Variants in MAN1C1 observed in about 807,000 individuals in gnomAD.
MAN1C1 encodes mannosyl-oligosaccharide 1,2-alpha-mannosidase IC.
Under a neutral mutation model 71.5 loss-of-function variants are expected in MAN1C1, and 49 were observed. The observed-to-expected ratio is 0.69, with a 90% CI of 0.54 to 0.87. The LOEUF (loss-of-function observed/expected upper bound fraction) is 0.87, where lower values mean the gene tolerates loss of function less well. MAN1C1 is among the 40% of genes least tolerant of loss of function. The pLI is 0.00. For synonymous variants in MAN1C1, 352 were observed against 343.7 expected, an observed-to-expected ratio of 1.02 and a Z score of -0.27; for missense variants, 743 against 835.0, an observed-to-expected ratio of 0.89 and a Z score of 1.36.
intron 1 of MAN1C1, among the ~76,000 whole-genome samples, chr1:25,656,771 T>A (rs2045773725): frequency 6.6e-6 from 1 of 151,184 alleles, no homozygotes; most frequent in South Asian, 2.1e-4. Context: ...ATTCAGGGAG[T>A]AGCCAAGGAG....
intron 1 of MAN1C1, among the ~76,000 whole-genome samples, chr1:25,650,113 C>A (rs2045670899): frequency 6.6e-6 from 1 of 152,214 alleles, no homozygotes; most frequent in Non-Finnish European, 1.5e-5. Context: ...ATTCTGTACA[C>A]TCCCATGTCC....
intron 1 of MAN1C1, among the ~76,000 whole-genome samples, chr1:25,625,152 C>T (rs962226901): frequency 3.3e-5 from 5 of 151,642 alleles, no homozygotes; most frequent in Non-Finnish European, 7.4e-5. Context: ...ATTACAGGCA[C>T]CTGCCACCAT....
chr1:25,770,893 G>A (rs1475343655), intron 7 of MAN1C1, among the ~76,000 whole-genome samples: 3 of 152,006 alleles, frequency 2.0e-5, no homozygotes, highest in Admixed American at 1.3e-4. Flanking sequence ...TCTATCAAAT[G>A]CCTTTACGTT....
intron 1 of MAN1C1, among the ~76,000 whole-genome samples, chr1:25,642,840 G>A (rs1032914614): frequency 2.0e-5 from 3 of 152,314 alleles, no homozygotes; most frequent in African/African-American, 4.8e-5. Flanking sequence ...AAGCAGTGAC[G>A]AGGATGGAGC....
intron 1 of MAN1C1, among the ~76,000 whole-genome samples, chr1:25,673,045 T>G (rs2046013600): frequency 2.7e-5 from 4 of 150,522 alleles, no homozygotes; most frequent in African/African-American, 7.4e-5. Flanking sequence ...CAGCCAGAGG[T>G]GAACGGGGAG....
intron 1 of MAN1C1, among the ~76,000 whole-genome samples, chr1:25,678,201 C>T (rs2046097305): frequency 6.6e-6 from 1 of 152,088 alleles, no homozygotes; most frequent in Non-Finnish European, 1.5e-5. Flanking sequence ...GCCTTTCCAC[C>T]TAATAATATA....
In MAN1C1 at chr1:25,753,487, T is replaced by G. The variant is rs377564466; in HGVS notation, c.838T>G (p.Phe280Val). Residue 280 changes from phenylalanine (F) to valine (V), a missense_variant, in exon 5 of 12, where the codon TTC becomes GTC. Transcript: ENST00000374332. This position sits in a 1 kb window ranked among gnomAD's most constrained non-coding sequence, Gnocchi z 4.9. ...SAFYLTGEEV[F>V]RIKAIRLGEK... Reference sequence around the variant, plus strand: ...CCTTTGATCCCCTCCTTTACAGGTGTTCCGAATAAAGGCCATCAGGCTGGG... The same window carrying G: ...CCTTTGATCCCCTCCTTTACAGGTGGTCCGAATAAAGGCCATCAGGCTGGG... 9.3e-6 allele frequency: 15 copies of G among 1,612,860 alleles called. No individual in the cohort carries two copies. The highest frequency in any genetic ancestry group is 1.3e-5 in the African/African-American group (1 of 74,888).
At chr1:25,626,516 G>A (rs1440874345) in intron 1 of MAN1C1, among the ~76,000 whole-genome samples, 5 of 151,824 alleles carry the variant, frequency 3.3e-5, no homozygotes, top group African/African-American at 4.8e-5. Context: ...CCGCCACCAC[G>A]CCTGGCTCAT....
In MAN1C1 at chr1:25,656,421, G is replaced by A. The variant is rs72873796; in HGVS notation, c.541-30019G>A. 5.3e-3 allele frequency among the ~76,000 whole-genome samples: 801 copies of A among 152,162 alleles called. 9 individuals carry two copies. The highest frequency in any genetic ancestry group is 0.018 in the African/African-American group (757 of 41,514). On this transcript the variant is annotated intron_variant, in intron 1 of 11. Coordinates refer to ENST00000374332, the MANE Select transcript of MAN1C1 (RefSeq NM_020379.4). ...CCTATAATGTACTTTTAAAGACGTC[G>A]TTTCATAATAAGGCTACGGAGACAT...
At chr1:25,734,373 C>T (rs986194031) in intron 2 of MAN1C1, among the ~76,000 whole-genome samples, 1 of 152,218 alleles carries the variant, frequency 6.6e-6, no homozygotes, top group Non-Finnish European at 1.5e-5. Context: ...AAATGATCCA[C>T]CCACCTCAGC....
intron 1 of MAN1C1, among the ~76,000 whole-genome samples, chr1:25,628,273 A>AT (rs1390312725): frequency 1.3e-5 from 2 of 151,796 alleles, no homozygotes; most frequent in African/African-American, 2.4e-5. Flanking sequence ...GATATTCTTT[A>AT]TTTTTATTTT....
intron 2 of MAN1C1, among the ~76,000 whole-genome samples, chr1:25,722,024 A>G (rs1421486739): frequency 6.6e-6 from 1 of 152,064 alleles, no homozygotes; most frequent in Non-Finnish European, 1.5e-5. Context: ...ACTCTATTCT[A>G]CTCTCACGCT....
At chr1:25,714,376 G>C (rs1266634812) in intron 2 of MAN1C1, among the ~76,000 whole-genome samples, 1 of 152,054 alleles carries the variant, frequency 6.6e-6, no homozygotes, top group Non-Finnish European at 1.5e-5. Flanking sequence ...TGATAATTAG[G>C]GAAAAGCTTT....
At chr1:25,748,724 G>A (rs1464685907) in intron 3 of MAN1C1, among the ~76,000 whole-genome samples, 3 of 152,322 alleles carry the variant, frequency 2.0e-5, no homozygotes, top group East Asian at 1.9e-4. Context: ...TGTGCGCTCC[G>A]AGCTGAGGGC....
At chr1:25,656,382 G>A (rs771390987) in intron 1 of MAN1C1, among the ~76,000 whole-genome samples, 31 of 152,208 alleles carry the variant, frequency 2.0e-4, no homozygotes, top group Non-Finnish European at 3.5e-4. Flanking sequence ...ACAGGCATCA[G>A]TCACTGCGCC....
At position 25,693,658 on chromosome 1, in the gene MAN1C1, G is replaced by A. The variant is rs1057241002; in HGVS notation, c.637+7122G>A. Among the ~76,000 whole-genome samples, 4 of 152,150 alleles carry A rather than the reference G, an allele frequency of 2.6e-5. No homozygotes were observed. In the East Asian group the frequency reaches 7.7e-4, roughly 29 times the overall value. On this transcript the variant is annotated intron_variant, in intron 2 of 11. Transcript: ENST00000374332. ...AAAAAAAGAGAAAATTTGCGATTAGGTGGACCCACGCATTACAAGTTCATG... is the reference window on the plus strand; with the variant it reads ...AAAAAAAGAGAAAATTTGCGATTAGATGGACCCACGCATTACAAGTTCATG...
chr1:25,729,742 C>T (rs1250723788), intron 2 of MAN1C1, among the ~76,000 whole-genome samples: 1 of 152,104 alleles, frequency 6.6e-6, no homozygotes, highest in Admixed American at 6.5e-5. Context: ...CATCTCTTGA[C>T]CTCATGATCT....
intron 1 of MAN1C1, among the ~76,000 whole-genome samples, chr1:25,673,478 G>A (rs1054636094): frequency 2.0e-5 from 3 of 151,706 alleles, no homozygotes; most frequent in African/African-American, 2.4e-5. Context: ...TGTTATACCA[G>A]TCCTATAAAA....
intron 1 of MAN1C1, among the ~76,000 whole-genome samples, chr1:25,668,297 C>T (rs957908969): frequency 4.0e-5 from 6 of 151,616 alleles, no homozygotes; most frequent in South Asian, 4.2e-4. Flanking sequence ...CTTTCCTTCA[C>T]GGTGCTTGTC....
Sources: gnomAD v4.1 joint callset for allele counts (sites outside exome capture counted in the v4.1 genomes callset) on GRCh38, gnomAD v4.1.1 for gene constraint, Gnocchi (gnomAD v3.1) non-coding constraint, MANE v1.5 for transcripts, NCBI Gene and HGNC (gene_info 2026-07-23, HGNC 2026-07-21) for gene names.